The following TM6SF2 variants were observed in gnomAD, a reference collection of about 807,000 sequenced individuals.
The protein encoded by TM6SF2 is transmembrane 6 superfamily member 2.
In TM6SF2, 29 loss-of-function variants were observed where a neutral mutation model predicts 41.0. The observed-to-expected ratio is 0.71, with a 90% CI of 0.53 to 0.96. The LOEUF is 0.96. Ranked by LOEUF, TM6SF2 falls within the 50% of genes least tolerant of loss-of-function variation. The probability of loss-of-function intolerance (pLI) is 0.00; values close to 1 mark genes in which losing one functional copy is unlikely to be tolerated. For missense variants in TM6SF2, 475 were observed against 499.0 expected (o/e 0.95, Z 0.46); for synonymous variants, 200 against 209.1 (o/e 0.96, Z 0.37).
At chr19:19,273,061 T>TGCCCCC in intron 1 of TM6SF2, 60 bp downstream of exon 1, 4 of 305,466 alleles carry the variant, frequency 1.3e-5, no homozygotes, top group Non-Finnish European at 2.4e-5. Context: ...CCTCCAGTCC[T>TGCCCCC]CCCCGCCCCC....
chr19:19,270,457 CG>C lies in TM6SF2; in HGVS notation c.200-16del. The C allele has an allele frequency of 6.4e-7, 1 of 1,553,892 alleles. No individual in the cohort carries two copies. The highest frequency in any genetic ancestry group is 1.8e-5 in the Admixed American group (1 of 55,084). Reference sequence around the variant, plus strand: ...GACAGCGAAGACTGCAGTGAGTGGGCGGGCCGGGTCAGGTGTGGGAGGGGAC... The same window carrying C: ...GACAGCGAAGACTGCAGTGAGTGGGCGGCCGGGTCAGGTGTGGGAGGGGAC... On this transcript the variant is annotated splice_polypyrimidine_tract_variant and intron_variant, in intron 2 of 9. Coordinates refer to ENST00000389363, the MANE Select transcript of TM6SF2 (RefSeq NM_001001524.3).
intron 8 of TM6SF2, among the ~76,000 whole-genome samples, chr19:19,266,908 G>A (rs1327503571): frequency 6.6e-6 from 1 of 152,218 alleles, no homozygotes; most frequent in South Asian, 2.1e-4. Context: ...AGTGATTCAC[G>A]CTGGGCCAAT....
chr19:19,270,458 G>A lies in TM6SF2; in HGVS notation c.200-16C>T, dbSNP rs545019311. 1.4e-5 allele frequency: 23 copies of A among 1,598,844 alleles called. No individual in the cohort carries two copies. The highest frequency in any genetic ancestry group is 2.3e-5 in the East Asian group (1 of 43,928). ...ACAGCGAAGACTGCAGTGAGTGGGC[G>A]GGCCGGGTCAGGTGTGGGAGGGGAC... On this transcript the variant is annotated splice_polypyrimidine_tract_variant and intron_variant, in intron 2 of 9. Coordinates refer to ENST00000389363, the MANE Select transcript of TM6SF2 (RefSeq NM_001001524.3).
chr19:19,269,991 G>C (rs2061017119), intron 4 of TM6SF2, 182 bp downstream of exon 4: 1 of 1,488,278 alleles, frequency 6.7e-7, no homozygotes, highest in Non-Finnish European at 8.9e-7. Context: ...AGCAATGCTA[G>C]GCCACCACCT....
intron 1 of TM6SF2, 136 bp from the exon 2 acceptor site, chr19:19,271,261 T>A: frequency 1.4e-6 from 1 of 714,920 alleles, no homozygotes; most frequent in Non-Finnish European, 2.5e-6. Flanking sequence ...CCATCAATGC[T>A]GTTCCCTGAA....
chr19:19,268,422 G>T (rs1430146671), intron 6 of TM6SF2, among the ~76,000 whole-genome samples: 1 of 151,988 alleles, frequency 6.6e-6, no homozygotes, highest in Non-Finnish European at 1.5e-5. Flanking sequence ...TGCCCAGGCT[G>T]GTCTCCAATT....
Position 19,273,114 on chromosome 19 carries a change from C to T in TM6SF2, c.95+7G>A. 2 of 1,482,412 alleles carry T rather than the reference C, an allele frequency of 1.3e-6. No individual in the cohort carries two copies. The highest frequency in any genetic ancestry group is 2.1e-4 in the Middle Eastern group (1 of 4,876). 91.8% of individuals were successfully genotyped at this position (1,482,412 alleles called of 1,614,324 possible). A position where few individuals can be genotyped will look rare whatever the true frequency, so the allele number is the denominator to read the frequency against. ...CCAAGGCCGCCCTGGCCCCTCTCCG[C>T]ACGCACTGCGAGAGCGCCGAGACGT... is the stretch of plus-strand genomic sequence containing the variant. On this transcript the variant is annotated splice_region_variant and intron_variant, in intron 1 of 9. Coordinates refer to ENST00000389363, the MANE Select transcript of TM6SF2 (RefSeq NM_001001524.3).
At chr19:19,272,784 ACTT>A (rs2146581219) in intron 1 of TM6SF2, among the ~76,000 whole-genome samples, 1 of 151,020 alleles carries the variant, frequency 6.6e-6, no homozygotes, top group South Asian at 2.1e-4. Flanking sequence ...ACCCTTGGTG[ACTT>A]TGGAACCTAG....
Position 19,264,993 on chromosome 19 carries a change from G to A in TM6SF2, c.925-120C>T, listed in dbSNP as rs957643960. ...CAGGGGATGCCCATCCCCACCTCTC[G>A]GGCTTTGCTCATCTATCTGTTTCCC... is the stretch of plus-strand genomic sequence containing the variant. On this transcript the variant is annotated intron_variant, in intron 9 of 9. Transcript: ENST00000389363. 30 of 561,582 alleles carry A rather than the reference G, an allele frequency of 5.3e-5. No homozygotes were observed. In the Admixed American group the frequency reaches 7.0e-4, roughly 13 times the overall value. The allele number at this position is 561,582 out of a possible 1,614,324, so 34.8% of individuals were successfully genotyped here.
In TM6SF2 at chr19:19,273,160, G is replaced by T. The variant is rs576994101; in HGVS notation, c.56C>A (p.Pro19Gln). The change falls in exon 1 of 10, where the codon CCG becomes CAG. Residue 19 changes from proline to glutamine, a missense_variant. Coordinates refer to ENST00000389363, the MANE Select transcript of TM6SF2 (RefSeq NM_001001524.3). The stretch of plus-strand genomic sequence containing the variant: ...GACGTGGTTGAGCGCGTAGGACACC[G>T]GGAGGGCGCTCAGCGACAGCGCCGC... ...KIAALSLSAL[P>Q]VSYALNHVSA... 1 of 1,458,698 alleles carries T rather than the reference G, an allele frequency of 6.9e-7. No homozygotes were observed. The highest frequency in any genetic ancestry group is 1.3e-5 in the South Asian group (1 of 77,566). 90.4% of individuals were successfully genotyped at this position (1,458,698 alleles called of 1,614,324 possible). A position where few individuals can be genotyped will look rare whatever the true frequency, so the allele number is the denominator to read the frequency against.
At chr19:19,272,777 C>T (rs2061029101) in intron 1 of TM6SF2, among the ~76,000 whole-genome samples, 1 of 151,500 alleles carries the variant, frequency 6.6e-6, no homozygotes, top group Non-Finnish European at 1.5e-5. Flanking sequence ...TACTTTTACC[C>T]TTGGTGACTT....
At chr19:19,273,061 T>TGGCCCCCCCCCCCCCCCCCCC in intron 1 of TM6SF2, 60 bp downstream of exon 1, 19 of 305,458 alleles carry the variant, frequency 6.2e-5, no homozygotes, top group East Asian at 8.6e-5. Flanking sequence ...CCTCCAGTCC[T>TGGCCCCCCCCCCCCCCCCCCC]CCCCGCCCCC....
chr19:19,267,083 C>T (rs991906459), intron 8 of TM6SF2, among the ~76,000 whole-genome samples: 1 of 152,028 alleles, frequency 6.6e-6, no homozygotes, highest in African/African-American at 2.4e-5. Context: ...AAGCAGAGCT[C>T]AGAGGCCGGG....
At chr19:19,266,016 G>A (rs1486233446) in intron 9 of TM6SF2, among the ~76,000 whole-genome samples, 1 of 152,074 alleles carries the variant, frequency 6.6e-6, no homozygotes, top group African/African-American at 2.4e-5. Flanking sequence ...GCCCCTCACT[G>A]CTCAAACTCC....
chr19:19,273,007 C>T, intron 1 of TM6SF2, 114 bp downstream of exon 1: 1 of 844,386 alleles, frequency 1.2e-6, no homozygotes, highest in Non-Finnish European at 1.7e-6. Context: ...GCGCAGGGCT[C>T]GCAGAAGCCA....
intron 1 of TM6SF2, 63 bp downstream of exon 1, chr19:19,273,058 T>TCCAG: frequency 6.4e-6 from 3 of 470,242 alleles, no homozygotes; most frequent in Non-Finnish European, 1.1e-5. Context: ...CCACCTCCAG[T>TCCAG]CCTCCCCGCC....
intron 1 of TM6SF2, among the ~76,000 whole-genome samples, chr19:19,271,984 C>T (rs567841607): frequency 8.7e-4 from 132 of 152,294 alleles, no homozygotes; most frequent in African/African-American, 2.8e-3. Context: ...CATTGTCTGA[C>T]GCTCCCAGCT....
At chr19:19,268,207 T>TA in intron 6 of TM6SF2, 120 bp from the exon 7 acceptor site, 1 of 699,342 alleles carries the variant, frequency 1.4e-6, no homozygotes, top group Non-Finnish European at 2.3e-6. Context: ...TTTTCTTTTT[T>TA]CTTTTTTTTT....
rs1176082223 is a variant in TM6SF2 at position 19,266,577 on chromosome 19, G to A, written c.837C>T (p.Phe279=). 6.2e-7 allele frequency: 1 copy of A among 1,613,828 alleles called. No homozygotes were observed. Among genetic ancestry groups the A allele is most frequent in the East Asian group, 2.2e-5 (1 of 44,886 alleles). ...MLMYMFYVLP[F]CGLAAYALTF... ...TGAGAGCATAGGCAGCCAGGCCGCA[G>A]AAAGGCAGGACATAAAACATGTACA... The change falls in exon 9 of 10, where the codon TTC becomes TTT. Residue 279 remains phenylalanine, a synonymous_variant. Transcript: ENST00000389363.
Sources: allele counts gnomAD v4.1 joint callset (sites outside exome capture counted in the v4.1 genomes callset), GRCh38; gene constraint gnomAD v4.1.1; transcripts MANE v1.5; gene names NCBI Gene and HGNC (gene_info 2026-07-23, HGNC 2026-07-21).